The following AKAP6 variants were observed in gnomAD, a reference collection of about 807,000 sequenced individuals.
AKAP6 encodes A-kinase anchor protein 6.
A neutral mutation model predicts 188.5 loss-of-function variants in AKAP6; 58 were observed. That is an observed-to-expected ratio of 0.31 (90% CI 0.25 to 0.38). The LOEUF is 0.38. Among genes scored for constraint, AKAP6 ranks in the 10% least tolerant of loss-of-function variants. The probability of loss-of-function intolerance (pLI) is 1.00; values close to 1 mark genes in which losing one functional copy is unlikely to be tolerated. For missense variants in AKAP6, 2,710 were observed against 2,740.0 expected (o/e 0.99, Z 0.24); for synonymous variants, 989 against 998.6 (o/e 0.99, Z 0.18).
rs923990750 is a variant in AKAP6 at position 32,732,579 on chromosome 14, T to C, written c.3126T>C (p.Asn1042=). ...TCCTTGAAAAAGTGGATTCAATTAATGAAAAATGGGAACTGCTTGGGGTAT... is the reference window on the plus strand; with the variant it reads ...TCCTTGAAAAAGTGGATTCAATTAACGAAAAATGGGAACTGCTTGGGGTAT... ...NDLLEKVDSI[N]EKWELLGKTL... The change falls in exon 10 of 14, where the codon AAT becomes AAC. Residue 1042 remains asparagine (N), a synonymous_variant. Coordinates refer to ENST00000280979, the MANE Select transcript of AKAP6 (RefSeq NM_004274.5). 1.2e-6 allele frequency: 2 copies of C among 1,613,498 alleles called. No homozygotes were observed. Among genetic ancestry groups the C allele is most frequent in the Admixed American group, 1.7e-5 (1 of 59,912 alleles).
At chr14:32,751,223 C>T (rs1422093308) in intron 11 of AKAP6, among the ~76,000 whole-genome samples, 1 of 151,946 alleles carries the variant, frequency 6.6e-6, no homozygotes, top group Non-Finnish European at 1.5e-5. Context: ...ATTGGATCAT[C>T]TTCTAATAAT....
chr14:32,588,907 TAC>T (rs1304720554), intron 5 of AKAP6, among the ~76,000 whole-genome samples: 1 of 152,260 alleles, frequency 6.6e-6, no homozygotes, highest in East Asian at 1.9e-4. Flanking sequence ...ATATACTTCT[TAC>T]AGAGTTTTTA....
chr14:32,605,725 TC>T (rs1886103162), intron 7 of AKAP6, among the ~76,000 whole-genome samples: 1 of 152,134 alleles, frequency 6.6e-6, no homozygotes, highest in African/African-American at 2.4e-5. Context: ...CTTGCACAGG[TC>T]ATGTACAAAT....
At chr14:32,370,509 T>A (rs953165831) in intron 1 of AKAP6, among the ~76,000 whole-genome samples, 4 of 152,236 alleles carry the variant, frequency 2.6e-5, no homozygotes, top group East Asian at 1.9e-4. Flanking sequence ...GTTCCTGATA[T>A]GTGACCATTA....
chr14:32,400,375 G>A (rs989619187), intron 1 of AKAP6, among the ~76,000 whole-genome samples: 1 of 151,588 alleles, frequency 6.6e-6, no homozygotes, highest in Non-Finnish European at 1.5e-5. Flanking sequence ...ACTTAGATTG[G>A]CAGTGACATT....
At chr14:32,386,997 T>C (rs1197778247) in intron 1 of AKAP6, among the ~76,000 whole-genome samples, 1 of 152,176 alleles carries the variant, frequency 6.6e-6, no homozygotes, top group East Asian at 1.9e-4. Flanking sequence ...CATGTTGTTT[T>C]GGTGACTATG....
chr14:32,627,610 T>C (rs1046664887), intron 7 of AKAP6, among the ~76,000 whole-genome samples: 2 of 152,104 alleles, frequency 1.3e-5, no homozygotes, highest in Non-Finnish European at 2.9e-5. Flanking sequence ...AATGGGTTAG[T>C]GTCTCTTCTC....
chr14:32,677,538 G>A (rs891479987), intron 7 of AKAP6, among the ~76,000 whole-genome samples: 3 of 152,180 alleles, frequency 2.0e-5, no homozygotes, highest in Non-Finnish European at 4.4e-5. Flanking sequence ...ATGTCCCTGA[G>A]AAGATATCAT....
chr14:32,656,859 TA>T (rs1888474203), intron 7 of AKAP6, among the ~76,000 whole-genome samples: 1 of 152,174 alleles, frequency 6.6e-6, no homozygotes, highest in African/African-American at 2.4e-5. Flanking sequence ...CTATGCTTCT[TA>T]AAGCCCTGGC....
In AKAP6 at chr14:32,824,207, A is replaced by G. The variant is rs1207152828; in HGVS notation, c.6394A>G (p.Lys2132Glu). 45 of 1,613,814 alleles carry G rather than the reference A, an allele frequency of 2.8e-5. No homozygotes were observed. The highest frequency in any genetic ancestry group is 3.7e-5 in the Non-Finnish European group (44 of 1,179,926). The change falls in exon 13 of 14, where the codon AAA becomes GAA. Residue 2132 changes from lysine (K) to glutamate (E), a missense_variant. Physicochemically the swap from Lys to Glu is moderately conservative, Grantham distance 56 (BLOSUM62 1). Coordinates refer to ENST00000280979, the MANE Select transcript of AKAP6 (RefSeq NM_004274.5). ...CGEVTNYIEE[K>E]SSTPLPLDTT... is the part of the protein sequence containing the mutation. ...GGAGGTCACCAATTACATAGAAGAGAAAAGCAGCACTCCATTGCCACTAGA... is the reference window on the plus strand; with the variant it reads ...GGAGGTCACCAATTACATAGAAGAGGAAAGCAGCACTCCATTGCCACTAGA...
chr14:32,357,239 A>C (rs575312603), intron 1 of AKAP6, among the ~76,000 whole-genome samples: 314 of 152,302 alleles, frequency 2.1e-3, no homozygotes, highest in African/African-American at 7.2e-3. Flanking sequence ...TCCATTCTAA[A>C]TTTAGGACAA....
At chr14:32,504,525 C>T (rs1405603442) in intron 2 of AKAP6, among the ~76,000 whole-genome samples, 1 of 152,164 alleles carries the variant, frequency 6.6e-6, no homozygotes, top group East Asian at 1.9e-4. Context: ...AGTAATCTCC[C>T]CACCTCGGCC....
At chr14:32,606,092 T>G (rs1886117643) in intron 7 of AKAP6, among the ~76,000 whole-genome samples, 2 of 152,200 alleles carry the variant, frequency 1.3e-5, no homozygotes, top group Admixed American at 1.3e-4. Context: ...TTCCCAGGAC[T>G]GTGAGATCTT....
intron 5 of AKAP6, among the ~76,000 whole-genome samples, chr14:32,582,943 TGTAGCTCGGA>T (rs1483679795): frequency 6.6e-6 from 1 of 152,204 alleles, no homozygotes; most frequent in Non-Finnish European, 1.5e-5. Flanking sequence ...AATTTCCTCC[TGTAGCTCGGA>T]GTAGTTTGAT....
chr14:32,553,480 T>A (rs541590155), intron 4 of AKAP6, among the ~76,000 whole-genome samples: 2 of 152,300 alleles, frequency 1.3e-5, no homozygotes, highest in East Asian at 3.9e-4. Flanking sequence ...CCAAGATTTC[T>A]TTATTCTTTG....
intron 2 of AKAP6, among the ~76,000 whole-genome samples, chr14:32,486,444 A>ATG (rs1879698809): frequency 1.3e-5 from 2 of 152,280 alleles, no homozygotes; most frequent in African/African-American, 4.8e-5. Flanking sequence ...TTTCCTATCC[A>ATG]AGAGCATGGA....
chr14:32,608,765 A>G (rs1284183920), intron 7 of AKAP6, among the ~76,000 whole-genome samples: 1 of 152,214 alleles, frequency 6.6e-6, no homozygotes, highest in African/African-American at 2.4e-5. Flanking sequence ...AGTCTGTGGA[A>G]AGCAGCCATT....
intron 1 of AKAP6, among the ~76,000 whole-genome samples, chr14:32,372,872 A>G (rs1191055814): frequency 4.0e-5 from 6 of 151,556 alleles, no homozygotes; most frequent in Non-Finnish European, 7.4e-5. Flanking sequence ...AGCGAGCATT[A>G]TGGGATTTGG....
chr14:32,799,412 T>G (rs1023189735), intron 12 of AKAP6, among the ~76,000 whole-genome samples: 5 of 152,008 alleles, frequency 3.3e-5, no homozygotes, highest in African/African-American at 1.2e-4. Context: ...GTTGTTGATT[T>G]TAAATTTATC....
Sources: allele counts gnomAD v4.1 joint callset (sites outside exome capture counted in the v4.1 genomes callset), GRCh38; gene constraint gnomAD v4.1.1; transcripts MANE v1.5; gene names NCBI Gene and HGNC (gene_info 2026-07-23, HGNC 2026-07-21).